The following ABHD12 variants were observed in gnomAD, a reference collection of about 807,000 sequenced individuals.
ABHD12 encodes the protein abhydrolase domain containing 12, lysophospholipase.
ABHD12 carries 43 observed loss-of-function variants against 58.3 expected under a neutral mutation model. The ratio of observed to expected loss-of-function variants is 0.74; its 90% confidence interval spans 0.58 to 0.95. The LOEUF is 0.95. Among genes scored for constraint, ABHD12 ranks in the 40% least tolerant of loss-of-function variants. The pLI, the probability that ABHD12 is intolerant of heterozygous loss-of-function variation, is 0.00. For missense variants in ABHD12, 539 were observed against 537.2 expected, an observed-to-expected ratio of 1.00 and a Z score of -0.03; for synonymous variants, 219 against 211.2, an observed-to-expected ratio of 1.04 and a Z score of -0.32.
At chr20:25,384,010 C>T (rs1329434413) in intron 1 of ABHD12, among the ~76,000 whole-genome samples, 1 of 145,744 alleles carries the variant, frequency 6.9e-6, no homozygotes, top group Non-Finnish European at 1.5e-5. Context: ...GGCATGGTGG[C>T]GGGCGCCCAT....
Position 25,390,592 on chromosome 20 carries a change from G to C in ABHD12, c.112C>G (p.Gln38Glu), listed in dbSNP as rs756684803. The C allele has an allele frequency of 3.4e-6, 5 of 1,473,752 alleles. No individual in the cohort carries two copies. The South Asian group carries it at 6.3e-5, about 19-fold the overall frequency. The allele number at this position is 1,473,752 out of a possible 1,614,324, so 91.3% of individuals were successfully genotyped here. A position where few individuals can be genotyped will look rare whatever the true frequency, so the allele number is the denominator to read the frequency against. ...AALDADCRLKQNLRLTGPAAA... is the reference protein window; with the variant it reads ...AALDADCRLKENLRLTGPAAA... ...GCCGGGCCCGTCAGGCGTAGGTTCT[G>C]CTTCAGGCGGCAGTCGGCGTCCAGC... is the stretch of plus-strand genomic sequence containing the variant. Residue 38 changes from glutamine to glutamate, a missense_variant, in exon 1 of 13, where the codon CAG (glutamine) becomes GAG (glutamate). Gln to Glu is a conservative substitution (Grantham distance 29). Transcript: ENST00000339157.
intron 1 of ABHD12, among the ~76,000 whole-genome samples, chr20:25,345,100 T>C (rs1034089586): frequency 3.9e-5 from 6 of 152,098 alleles, no homozygotes; most frequent in African/African-American, 9.6e-5. Context: ...TTTTTTTTTT[T>C]CTGGAGATGG....
intron 6 of ABHD12, among the ~76,000 whole-genome samples, chr20:25,311,037 C>T (rs2088840572): frequency 6.6e-6 from 1 of 152,158 alleles, no homozygotes; most frequent in South Asian, 2.1e-4. Flanking sequence ...AAACCACTTC[C>T]TTGCTCCTCA....
Position 25,313,532 on chromosome 20 carries a change from T to C in ABHD12, c.619+1393A>G, listed in dbSNP as rs562106919. On this transcript the variant is annotated intron_variant, in intron 6 of 12. Transcript: ENST00000339157. The stretch of plus-strand genomic sequence containing the variant: ...TGACCTTCCCTCCACTATTGTCCTA[T>C]GACCCTGCCAAATCCCCCTCAGAGG... Among the ~76,000 whole-genome samples the C allele has an allele frequency of 1.3e-3, 189 of 151,076 alleles. 1 individual carries two copies. The highest frequency in any genetic ancestry group is 4.3e-3 in the African/African-American group (176 of 41,012).
At chr20:25,298,729 T>C (rs1568706096), downstream of ABHD12, among the ~76,000 whole-genome samples, 1 of 152,148 alleles carries the variant, frequency 6.6e-6, no homozygotes, top group Non-Finnish European at 1.5e-5. Flanking sequence ...CGCCCATCAA[T>C]TGTACAGTTG....
Position 25,317,087 on chromosome 20 carries a change from G to C in ABHD12, c.543-9C>G. On this transcript the variant is annotated splice_polypyrimidine_tract_variant and intron_variant, in intron 4 of 12. Transcript: ENST00000339157. ...CGCGGTGGTCGCCTCCTCTGGAGAA[G>C]AAAACAGGACATGGTGTGAGCACAT... 6.2e-7 allele frequency: 1 copy of C among 1,610,132 alleles called. No homozygotes were observed. Among genetic ancestry groups the C allele is most frequent in the East Asian group, 2.2e-5 (1 of 44,826 alleles).
chr20:25,329,966 T>C (rs1021652260), intron 2 of ABHD12, among the ~76,000 whole-genome samples: 1 of 152,312 alleles, frequency 6.6e-6, no homozygotes, highest in South Asian at 2.1e-4. Context: ...GGAGCCAAGA[T>C]GGCCAAATAG....
intron 2 of ABHD12, among the ~76,000 whole-genome samples, chr20:25,327,080 C>A (rs1241351878): frequency 1.3e-5 from 2 of 152,156 alleles, no homozygotes; most frequent in Non-Finnish European, 2.9e-5. Context: ...AAACACCTAC[C>A]CCCACTACAC....
chr20:25,305,402 G>A lies in ABHD12; in HGVS notation c.950+1431C>T, dbSNP rs184543225. Among the ~76,000 whole-genome samples, 81 of 142,316 alleles carry A rather than the reference G, an allele frequency of 5.7e-4. 1 individual carries two copies. The East Asian group carries it at 0.016, about 27-fold the overall frequency. 93.4% of individuals were successfully genotyped at this position (142,316 alleles called of 152,430 possible). A position where few individuals can be genotyped will look rare whatever the true frequency, so the allele number is the denominator to read the frequency against. Reference sequence around the variant, plus strand: ...TTTTGAGACGGAGTCTCGCTCTGTCGCCCAGGCTGGAGTGCAGTGGCGCGA... The same window carrying A: ...TTTTGAGACGGAGTCTCGCTCTGTCACCCAGGCTGGAGTGCAGTGGCGCGA... On this transcript the variant is annotated intron_variant, in intron 10 of 12. Coordinates refer to ENST00000339157, the MANE Select transcript of ABHD12 (RefSeq NM_001042472.3).
intron 1 of ABHD12, among the ~76,000 whole-genome samples, chr20:25,388,531 A>G (rs187921390): frequency 1.3e-5 from 2 of 152,160 alleles, no homozygotes; most frequent in African/African-American, 4.8e-5. Flanking sequence ...GGAAGAGAAG[A>G]AAGCTCAAGG....
intron 1 of ABHD12, among the ~76,000 whole-genome samples, chr20:25,359,625 A>C (rs1192463587): frequency 6.6e-6 from 1 of 151,464 alleles, no homozygotes; most frequent in African/African-American, 2.4e-5. Context: ...ACTGGAGTGC[A>C]GTGGTGCGAT....
intron 1 of ABHD12, among the ~76,000 whole-genome samples, chr20:25,343,414 T>C (rs1244674011): frequency 6.6e-6 from 1 of 152,166 alleles, no homozygotes; most frequent in Admixed American, 6.5e-5. Flanking sequence ...AAGCTGAGCC[T>C]AGTGGTATGT....
At chr20:25,335,070 A>G (rs2089341026) in intron 2 of ABHD12, among the ~76,000 whole-genome samples, 1 of 150,708 alleles carries the variant, frequency 6.6e-6, no homozygotes, top group African/African-American at 2.4e-5. Flanking sequence ...ACAAAGGGCT[A>G]ATATCCAGAA....
intron 1 of ABHD12, among the ~76,000 whole-genome samples, chr20:25,348,706 T>A (rs1275455670): frequency 1.3e-5 from 2 of 151,812 alleles, no homozygotes; most frequent in African/African-American, 2.4e-5. Context: ...CCAAAGGAGG[T>A]ATTAGACAAA....
rs58722006 is a variant in ABHD12, at chr20:25,362,874, T to C, written c.192-23523A>G. ...TTTTTACTAGAGACAGGTTTCTCCA[T>C]GTTGGTCAGGCTACTCTCGAAGTCC... On this transcript the variant is annotated intron_variant, in intron 1 of 12. Coordinates refer to ENST00000339157, the MANE Select transcript of ABHD12 (RefSeq NM_001042472.3). Among the ~76,000 whole-genome samples the C allele has an allele frequency of 2.0e-5, 3 of 152,002 alleles. No individual in the cohort carries two copies. In the South Asian group the frequency reaches 6.2e-4, roughly 32 times the overall value.
chr20:25,313,948 G>A (rs369443765), intron 6 of ABHD12, among the ~76,000 whole-genome samples: 4 of 151,716 alleles, frequency 2.6e-5, no homozygotes, highest in South Asian at 4.2e-4. Context: ...ATGCTGAGGT[G>A]CAGAAGAATC....
chr20:25,385,921 ACC>A (rs908597379), intron 1 of ABHD12, among the ~76,000 whole-genome samples: 1 of 151,568 alleles, frequency 6.6e-6, no homozygotes, highest in Non-Finnish European at 1.5e-5. Context: ...ACACGGTGAA[ACC>A]CCGTCTCTAC....
chr20:25,306,335 ATTTC>A (rs1362465866), intron 10 of ABHD12, among the ~76,000 whole-genome samples: 1 of 152,102 alleles, frequency 6.6e-6, no homozygotes, highest in African/African-American at 2.4e-5. Flanking sequence ...CAGATTTCTT[ATTTC>A]TTTCTGTTAC....
At position 25,300,237 on chromosome 20, in the gene ABHD12, T is replaced by A; in HGVS notation, c.*608A>T. 1.0e-6 allele frequency: 1 copy of A among 998,238 alleles called. No individual in the cohort carries two copies. Among genetic ancestry groups the A allele is most frequent in the Non-Finnish European group, 1.2e-6 (1 of 836,908 alleles). 61.8% of individuals were successfully genotyped at this position (998,238 alleles called of 1,614,324 possible). The stretch of plus-strand genomic sequence containing the variant: ...AGGACCACCACCACGATTTTATTCT[T>A]AAATAAAGCTCAGTCTAAGGCCAGG... On this transcript the variant is annotated 3_prime_UTR_variant, in exon 13 of 13. Coordinates refer to ENST00000339157, the MANE Select transcript of ABHD12 (RefSeq NM_001042472.3).
Sources: allele counts gnomAD v4.1 joint callset (sites outside exome capture counted in the v4.1 genomes callset), GRCh38; gene constraint gnomAD v4.1.1; transcripts MANE v1.5; gene names NCBI Gene and HGNC (gene_info 2026-07-23, HGNC 2026-07-21).